Variants in GPI observed in about 807,000 individuals in gnomAD.
GPI encodes the protein glucose-6-phosphate isomerase, also known as D-hexose-6-phosphate anomerase.
In GPI, 56 loss-of-function variants were observed where a neutral mutation model predicts 75.8. The ratio of observed to expected loss-of-function variants is 0.74; its 90% CI spans 0.60 to 0.92. The LOEUF (loss-of-function observed/expected upper bound fraction) is 0.92, where lower values mean the gene tolerates loss of function less well. GPI is among the 40% of genes least tolerant of loss of function. GPI has a pLI of 0.00. For missense variants in GPI, 638 were observed against 741.0 expected (o/e 0.86, Z 1.61); for synonymous variants, 288 against 285.4 (o/e 1.01, Z -0.09).
At chr19:34,379,241 C>T (rs552307275) in intron 7 of GPI, among the ~76,000 whole-genome samples, 13 of 152,368 alleles carry the variant, frequency 8.5e-5, no homozygotes, top group African/African-American at 3.1e-4. Flanking sequence ...GGCCCTTTCT[C>T]TGCAGGCCCT....
At chr19:34,361,092 T>C (rs1240569479), upstream of GPI, among the ~76,000 whole-genome samples, 1 of 151,958 alleles carries the variant, frequency 6.6e-6, no homozygotes, top group Admixed American at 6.6e-5. Context: ...TTCACATTTC[T>C]TTCTTTCCTT....
chr19:34,372,763 C>T (rs938764291), intron 4 of GPI, among the ~76,000 whole-genome samples: 3 of 152,040 alleles, frequency 2.0e-5, no homozygotes, highest in Non-Finnish European at 4.4e-5. Context: ...CAACCTAGAC[C>T]CTGTCTCTTT....
rs8191379 is a variant in GPI, at chr19:34,378,923, T to C, written c.634-11T>C. 3 of 1,613,164 alleles carry C rather than the reference T, an allele frequency of 1.9e-6. No homozygotes were observed. The highest frequency in any genetic ancestry group is 2.7e-5 in the African/African-American group (2 of 74,892). ...AGCTCGGGCGCCCACTGCTGTTCTCTTTGGTTGCAGACCTTTACTACCCAG... is the reference window on the plus strand; with the variant it reads ...AGCTCGGGCGCCCACTGCTGTTCTCCTTGGTTGCAGACCTTTACTACCCAG... On this transcript the variant is annotated splice_polypyrimidine_tract_variant and intron_variant, in intron 6 of 17. Coordinates refer to ENST00000356487, the MANE Select transcript of GPI (RefSeq NM_000175.5).
upstream of GPI, chr19:34,363,259 T>G (rs919903596): frequency 6.6e-6 from 1 of 151,838 alleles, no homozygotes; most frequent in Non-Finnish European, 1.5e-5. Flanking sequence ...TGAGACAAGA[T>G]CGTGTCACTG....
At chr19:34,365,019 G>C, upstream of GPI, 2 of 1,531,474 alleles carry the variant, frequency 1.3e-6, no homozygotes, top group Non-Finnish European at 1.7e-6. Flanking sequence ...CGGCGCAAGA[G>C]GTAGGGAGAG....
At chr19:34,366,523 C>T (rs2074368048) in intron 2 of GPI, 88 bp downstream of exon 2, 1 of 893,254 alleles carries the variant, frequency 1.1e-6, no homozygotes, top group Non-Finnish European at 1.9e-6. Flanking sequence ...CCTTGAGTAT[C>T]TTGAGTTCTT....
At chr19:34,391,190 G>T (rs149150203) in intron 9 of GPI, among the ~76,000 whole-genome samples, 260 of 3,306 alleles carry the variant, frequency 0.079, no homozygotes, top group African/African-American at 0.21. Flanking sequence ...AGTGTCTGGG[G>T]AAGTGAGGCT....
At chr19:34,364,844 C>T, upstream of GPI, 1 of 764,042 alleles carries the variant, frequency 1.3e-6, no homozygotes, top group East Asian at 3.2e-5. Flanking sequence ...GGAAGGTGTT[C>T]GATCTATAGA....
chr19:34,368,461 A>G, intron 3 of GPI, 122 bp from the exon 4 acceptor site: 1 of 1,040,804 alleles, frequency 9.6e-7, no homozygotes, highest in South Asian at 1.4e-5. Context: ...TGGTGCTAAC[A>G]GAGACCTCAG....
Position 34,393,341 on chromosome 19 carries a change from GGGAGACAGTGTTGCAGTCTAA to G in GPI, c.865+36_865+56del, listed in dbSNP as rs1437525625. Reference sequence around the variant, plus strand: ...TGTTTCTGTGTCTTGCAGCCCCTGTGGGAGACAGTGTTGCAGTCTAAGGTCGGGGTAGGGGGCTTGTGTCCC... The same window carrying G: ...TGTTTCTGTGTCTTGCAGCCCCTGTGGGTCGGGGTAGGGGGCTTGTGTCCC... On this transcript the variant is annotated intron_variant, in intron 10 of 17. Transcript: ENST00000356487. This position sits in a 1 kb window ranked among gnomAD's most constrained non-coding sequence, Gnocchi z 4.4. 3.9e-6 allele frequency: 6 copies of G among 1,557,774 alleles called. No individual in the cohort carries two copies. Among genetic ancestry groups the G allele is most frequent in the Non-Finnish European group, 3.5e-6 (4 of 1,128,562 alleles).
rs980518904 is a variant in GPI at position 34,400,147 on chromosome 19, T to C, written c.*111T>C. The C allele has an allele frequency of 1.7e-5, 21 of 1,227,900 alleles. No individual in the cohort carries two copies. Among genetic ancestry groups the C allele is most frequent in the Non-Finnish European group, 2.4e-5 (20 of 843,998 alleles). The allele number at this position is 1,227,900 out of a possible 1,614,324, so 76.1% of individuals were successfully genotyped here. On this transcript the variant is annotated 3_prime_UTR_variant, in exon 18 of 18. Transcript: ENST00000356487. ...CACCACCCAGAGCACCCTCTGGTTG[T>C]GGGCTTGGACCACGAGCCCTTAGCA...
In GPI at chr19:34,400,096, C is replaced by G. The variant is rs1024558117; in HGVS notation, c.*60C>G. The G allele has an allele frequency of 2.6e-6, 4 of 1,564,904 alleles. No individual in the cohort carries two copies. The African/African-American group carries it at 5.4e-5, about 21-fold the overall frequency. ...CCTTTCTCTTCTCGTCCCTCCTCCCCGGAGCCGGCACTGCATGTTCCTGGA... is the reference window on the plus strand; with the variant it reads ...CCTTTCTCTTCTCGTCCCTCCTCCCGGGAGCCGGCACTGCATGTTCCTGGA... On this transcript the variant is annotated 3_prime_UTR_variant, in exon 18 of 18. Coordinates refer to ENST00000356487, the MANE Select transcript of GPI (RefSeq NM_000175.5).
In GPI at chr19:34,378,987, T is replaced by C; in HGVS notation, c.687T>C (p.Phe229=). 1.2e-6 allele frequency: 2 copies of C among 1,614,174 alleles called. No homozygotes were observed. Among genetic ancestry groups the C allele is most frequent in the Non-Finnish European group, 1.7e-6 (2 of 1,180,006 alleles). The change falls in exon 7 of 18, where the codon TTT becomes TTC. Residue 229 remains phenylalanine, a synonymous_variant. Coordinates refer to ENST00000356487, the MANE Select transcript of GPI (RefSeq NM_000175.5). ...ATGCAGAGACGGCGAAGGAGTGGTTTCTCCAGGCGGCCAAGGATGTGAGTG... is the reference window on the plus strand; with the variant it reads ...ATGCAGAGACGGCGAAGGAGTGGTTCCTCCAGGCGGCCAAGGATGTGAGTG... ...ITNAETAKEW[F]LQAAKDPSAV...
intron 4 of GPI, among the ~76,000 whole-genome samples, 159 bp from the exon 5 acceptor site, chr19:34,377,336 AATATATAT>A (rs1243864461): frequency 0.013 from 662 of 49,342 alleles, 36 homozygotes; most frequent in Admixed American, 0.1. Flanking sequence ...AAAAAAAAAA[AATATATAT>A]ATATATATAT....
At chr19:34,398,897 G>A (rs1284029258) in intron 14 of GPI, 2 of 229,688 alleles carry the variant, frequency 8.7e-6, no homozygotes, top group South Asian at 6.0e-5. Flanking sequence ...TAGTAGAGAC[G>A]GGTTTCACCA....
rs1452614212 is a variant in GPI at position 34,393,333 on chromosome 19, G to GC, written c.865+29dup. The GC allele has an allele frequency of 7.6e-6, 12 of 1,582,836 alleles. No homozygotes were observed. The highest frequency in any genetic ancestry group is 9.6e-6 in the Non-Finnish European group (11 of 1,151,548). On this transcript the variant is annotated intron_variant, in intron 10 of 17. Coordinates refer to ENST00000356487, the MANE Select transcript of GPI (RefSeq NM_000175.5). This position sits in a 1 kb window ranked among gnomAD's most constrained non-coding sequence, Gnocchi z 4.4. ...GGTGAGTGTGTTTCTGTGTCTTGCAGCCCCTGTGGGAGACAGTGTTGCAGT... is the reference window on the plus strand; with the variant it reads ...GGTGAGTGTGTTTCTGTGTCTTGCAGCCCCCTGTGGGAGACAGTGTTGCAGT...
intron 9 of GPI, among the ~76,000 whole-genome samples, chr19:34,387,294 T>C (rs2074750601): frequency 6.6e-6 from 1 of 152,016 alleles, no homozygotes; most frequent in Non-Finnish European, 1.5e-5. Flanking sequence ...GGTATGTTTA[T>C]CTGGTGTTGT....
chr19:34,365,318 C>T lies in GPI; in HGVS notation c.52C>T (p.Arg18Cys), dbSNP rs1181580474. 1.9e-6 allele frequency: 3 copies of T among 1,590,662 alleles called. No homozygotes were observed. Among genetic ancestry groups the T allele is most frequent in the African/African-American group, 2.8e-5 (2 of 72,064 alleles). Reference sequence around the variant, plus strand: ...GTTCCAGAAGCTGCAGCAATGGTACCGCGAGCACCGCTCCGAGCTGAACCT... The same window carrying T: ...GTTCCAGAAGCTGCAGCAATGGTACTGCGAGCACCGCTCCGAGCTGAACCT... ...PQFQKLQQWYREHRSELNLRR... is the reference protein window; with the variant it reads ...PQFQKLQQWYCEHRSELNLRR... Residue 18 changes from arginine (R) to cysteine (C), a missense_variant, in exon 1 of 18, where the codon CGC becomes TGC. Arg to Cys is a radical substitution (Grantham distance 180). Coordinates refer to ENST00000356487, the MANE Select transcript of GPI (RefSeq NM_000175.5).
intron 9 of GPI, among the ~76,000 whole-genome samples, chr19:34,391,622 G>C (rs931238564): frequency 0.023 from 7 of 304 alleles, no homozygotes; most frequent in African/African-American, 0.067. Context: ...ATGAGGATCC[G>C]GGTCTGTCAA....
Sources: allele counts gnomAD v4.1 joint callset (sites outside exome capture counted in the v4.1 genomes callset), GRCh38; gene constraint gnomAD v4.1.1; non-coding constraint Gnocchi (gnomAD v3.1); transcripts MANE v1.5; gene names NCBI Gene and HGNC (gene_info 2026-07-23, HGNC 2026-07-21).